The following TP53BP1 variants were observed in gnomAD, a reference collection of about 807,000 sequenced individuals.
TP53BP1 encodes TP53-binding protein 1.
In TP53BP1, 61 loss-of-function variants were observed where a neutral mutation model predicts 200.8. That is an observed-to-expected ratio of 0.30 (90% confidence interval 0.25 to 0.38). TP53BP1 has a LOEUF of 0.38. TP53BP1 is among the 10% of genes least tolerant of loss of function. TP53BP1 has a pLI of 1.00. For synonymous variants in TP53BP1, 822 were observed against 844.3 expected, an observed-to-expected ratio of 0.97 and a Z score of 0.46; for missense variants, 2,144 against 2,371.9, an observed-to-expected ratio of 0.90 and a Z score of 2.00.
chr15:43,417,050 G>A (rs2045282080), intron 21 of TP53BP1: 1 of 152,250 alleles, frequency 6.6e-6, no homozygotes, highest in Non-Finnish European at 1.5e-5. Flanking sequence ...GGAGAACTGA[G>A]CCTAGGCCTA....
At position 43,441,158 on chromosome 15, in the gene TP53BP1, T is replaced by C. The variant is rs189778702; in HGVS notation, c.3098+368A>G. The C allele has an allele frequency of 3.9e-4, 68 of 172,352 alleles. No individual in the cohort carries two copies. In the East Asian group the frequency reaches 0.01, roughly 25 times the overall value. 10.7% of individuals were successfully genotyped at this position (172,352 alleles called of 1,614,324 possible). ...CCTGAGGCTGCAGCTGAGTATGCGA[T>C]TGCAGAAGGAACAAGGTCTGTAGCT... On this transcript the variant is annotated intron_variant, in intron 15 of 27. Coordinates refer to ENST00000382044, the MANE Select transcript of TP53BP1 (RefSeq NM_001141980.3).
At chr15:43,475,504 C>T in intron 9 of TP53BP1, 61 bp downstream of exon 9, 2 of 1,587,330 alleles carry the variant, frequency 1.3e-6, no homozygotes, top group South Asian at 1.1e-5. Flanking sequence ...CCTCTTTCAG[C>T]CTTAGCCTAA....
At position 43,427,957 on chromosome 15, in the gene TP53BP1, CAAAAA is replaced by C. The variant is rs35437737; in HGVS notation, c.3828+54_3828+58del. 2.5e-3 allele frequency: 2,503 copies of C among 1,000,858 alleles called. 6 individuals carry two copies. Among genetic ancestry groups the C allele is most frequent in the Middle Eastern group, 4.6e-3 (15 of 3,290 alleles). The allele number at this position is 1,000,858 out of a possible 1,614,324, so 62.0% of individuals were successfully genotyped here. On this transcript the variant is annotated intron_variant, in intron 18 of 27. Coordinates refer to ENST00000382044, the MANE Select transcript of TP53BP1 (RefSeq NM_001141980.3). Reference sequence around the variant, plus strand: ...AGGTAACAAAGTAAGACCCTGTCTCCAAAAAAAAAAAAAAAAGAAAGAAAGAAATT... The same window carrying C: ...AGGTAACAAAGTAAGACCCTGTCTCCAAAAAAAAAAAGAAAGAAAGAAATT...
At chr15:43,440,581 C>T (rs968553649) in intron 15 of TP53BP1, among the ~76,000 whole-genome samples, 3 of 151,710 alleles carry the variant, frequency 2.0e-5, no homozygotes, top group Admixed American at 2.0e-4. Flanking sequence ...ACAGTACCCG[C>T]CTAGCCTCTA....
At chr15:43,438,546 A>G (rs946680111) in intron 15 of TP53BP1, 130 bp from the exon 16 acceptor site, 1 of 642,436 alleles carries the variant, frequency 1.6e-6, no homozygotes, top group African/African-American at 1.8e-5. Context: ...CCTTACACCA[A>G]AATGCAAATT....
chr15:43,480,955 T>C lies in TP53BP1; in HGVS notation c.439A>G (p.Lys147Glu). 3 of 1,614,090 alleles carry C rather than the reference T, an allele frequency of 1.9e-6. No individual in the cohort carries two copies. Among genetic ancestry groups the C allele is most frequent in the Non-Finnish European group, 2.5e-6 (3 of 1,179,970 alleles). ...GTATCTTCTTCCTTCTCTTTCTCCTTCTGTTCCAACTCTTCTCCCTTCTCT... is the reference window on the plus strand; with the variant it reads ...GTATCTTCTTCCTTCTCTTTCTCCTCCTGTTCCAACTCTTCTCCCTTCTCT... ...EEEKGEELEQ[K>E]EKEKEEDTSG... Residue 147 changes from lysine (K) to glutamate (E), a missense_variant, in exon 5 of 28, where the codon AAG (lysine) becomes GAG (glutamate). Physicochemically the swap from Lys to Glu is moderately conservative, Grantham distance 56. This residue lies in a region of TP53BP1 where 1,700 missense variants were observed against 1,710.3 expected (regional missense o/e 0.99). Coordinates refer to ENST00000382044, the MANE Select transcript of TP53BP1 (RefSeq NM_001141980.3).
chr15:43,432,659 A>C lies in TP53BP1; in HGVS notation c.3210T>G (p.Phe1070Leu). The C allele has an allele frequency of 6.2e-7, 1 of 1,603,610 alleles. No individual in the cohort carries two copies. Reference sequence around the variant, plus strand: ...TCTCCTCTTCTCCTTGAGAACTTGGAAAGTGGAGCAAGTTCCCCCTGAAAA... The same window carrying C: ...TCTCCTCTTCTCCTTGAGAACTTGGCAAGTGGAGCAAGTTCCCCCTGAAAA... ...TTPIRGNLLHFPSSQGEEEKE... is the reference protein window; with the variant it reads ...TTPIRGNLLHLPSSQGEEEKE... The change falls in exon 17 of 28, where the codon TTT (phenylalanine) becomes TTG (leucine). Residue 1070 changes from phenylalanine (F) to leucine (L), a missense_variant. Coordinates refer to ENST00000382044, the MANE Select transcript of TP53BP1 (RefSeq NM_001141980.3).
intron 11 of TP53BP1, among the ~76,000 whole-genome samples, chr15:43,466,195 G>C (rs928010285): frequency 6.6e-6 from 1 of 152,132 alleles, no homozygotes; most frequent in African/African-American, 2.4e-5. Flanking sequence ...GAATCTCCAC[G>C]GATGACAGTG....
At position 43,420,754 on chromosome 15, in the gene TP53BP1, T is replaced by C. The variant is rs1253521748; in HGVS notation, c.4251-19A>G. ...TGTTTCTCTAAAGAGAGATAGGGGA[T>C]AGGAGAAGCCGGTGAGAACAAGAAC... On this transcript the variant is annotated intron_variant, in intron 20 of 27. Transcript: ENST00000382044. The C allele has an allele frequency of 2.5e-6, 4 of 1,600,468 alleles. No homozygotes were observed. The highest frequency in any genetic ancestry group is 2.7e-5 in the African/African-American group (2 of 74,354).
chr15:43,416,832 ATCAT>A (rs2045276867), intron 21 of TP53BP1: 1 of 157,778 alleles, frequency 6.3e-6, no homozygotes, highest in African/African-American at 2.4e-5. Flanking sequence ...GAAAAATGAC[ATCAT>A]TCTAAGAGAG....
At position 43,479,479 on chromosome 15, in the gene TP53BP1, G is replaced by A; in HGVS notation, c.706C>T (p.Gln236Ter). ...QSNEDIPIAE[Q>*]SSKDIPVTAQ... ...GTCACAGGGATGTCCTTGCTGGACTGTTCTGCTATGGGGATATCTTCGTTG... is the reference window on the plus strand; with the variant it reads ...GTCACAGGGATGTCCTTGCTGGACTATTCTGCTATGGGGATATCTTCGTTG... The change falls in exon 7 of 28, where the codon CAG (glutamine) becomes TAG (stop). Residue 236 changes from glutamine (Q) to a stop codon, truncating the protein, a stop_gained. Transcript: ENST00000382044. LOFTEE classifies it high-confidence loss of function. 1 of 1,613,806 alleles carries A rather than the reference G, an allele frequency of 6.2e-7. No homozygotes were observed. The highest frequency in any genetic ancestry group is 8.5e-7 in the Non-Finnish European group (1 of 1,179,884).
rs1456520550 is a variant in TP53BP1, at chr15:43,479,898, A to G, written c.619T>C (p.Ser207Pro). 6.2e-7 allele frequency: 1 copy of G among 1,614,102 alleles called. No individual in the cohort carries two copies. The highest frequency in any genetic ancestry group is 1.3e-5 in the African/African-American group (1 of 74,936). ...KEQLQSVTTN[S>P]GYTRLSDVDA... is the part of the protein sequence containing the mutation. ...ACATCAGACAGCCTGGTATAACCAG[A>G]GTTGGTGGTTACTGATTGTAGCTGC... The change falls in exon 6 of 28, where the codon TCT becomes CCT. Residue 207 changes from serine to proline, a missense_variant. This residue lies in a region of TP53BP1 where 1,700 missense variants were observed against 1,710.3 expected (regional missense o/e 0.99). Transcript: ENST00000382044.
chr15:43,433,991 T>C (rs2045732760), intron 16 of TP53BP1, among the ~76,000 whole-genome samples: 1 of 152,170 alleles, frequency 6.6e-6, no homozygotes, highest in Non-Finnish European at 1.5e-5. Context: ...AAAAAAGAAG[T>C]TTCTGAGGTT....
intron 4 of TP53BP1, among the ~76,000 whole-genome samples, chr15:43,486,955 T>C (rs1200964531): frequency 1.3e-5 from 2 of 152,210 alleles, no homozygotes; most frequent in African/African-American, 2.4e-5. Flanking sequence ...AAATGACTTA[T>C]ATTATTCTGT....
intron 21 of TP53BP1, among the ~76,000 whole-genome samples, chr15:43,417,555 C>T (rs760401685): frequency 1.3e-5 from 2 of 152,192 alleles, no homozygotes; most frequent in African/African-American, 2.4e-5. Context: ...TTGACATGAG[C>T]AAACAGCCTC....
At chr15:43,470,178 T>C (rs2046691773) in intron 10 of TP53BP1, 112 bp from the exon 11 acceptor site, 5 of 896,950 alleles carry the variant, frequency 5.6e-6, no homozygotes, top group Non-Finnish European at 8.5e-6. Flanking sequence ...AAAAAAATAG[T>C]GACGTAATTT....
At chr15:43,495,791 TG>T (rs2079179671), upstream of TP53BP1, among the ~76,000 whole-genome samples, 1 of 145,424 alleles carries the variant, frequency 6.9e-6, no homozygotes, top group African/African-American at 2.6e-5. Flanking sequence ...CACTCCAGCC[TG>T]GGTGACAGAG....
intron 8 of TP53BP1, 32 bp downstream of exon 8, chr15:43,477,561 G>T (rs765671153): frequency 6.4e-7 from 1 of 1,568,730 alleles, no homozygotes; most frequent in East Asian, 2.3e-5. Flanking sequence ...GATCTTTGGA[G>T]AAGAGCTGTA....
upstream of TP53BP1, among the ~76,000 whole-genome samples, chr15:43,496,422 T>C (rs995394192): frequency 6.6e-6 from 1 of 152,100 alleles, no homozygotes; most frequent in Non-Finnish European, 1.5e-5. Flanking sequence ...TTGTGAGTAT[T>C]TTTCTGAAGC....
Sources: gnomAD v4.1 joint callset for allele counts (sites outside exome capture counted in the v4.1 genomes callset) on GRCh38, gnomAD v4.1.1 for gene constraint, gnomAD v4.1.1 regional missense constraint, MANE v1.5 for transcripts, NCBI Gene and HGNC (gene_info 2026-07-23, HGNC 2026-07-21) for gene names.